The following FREM2 variants were observed in gnomAD, a reference collection of about 807,000 sequenced individuals.
FREM2 encodes the protein FRAS1 related extracellular matrix 2.
FREM2 carries 119 observed loss-of-function variants against 219.9 expected under a neutral mutation model. That is an observed-to-expected ratio of 0.54 (90% CI 0.47 to 0.63). The LOEUF (loss-of-function observed/expected upper bound fraction) is 0.63. FREM2 is among the 30% of genes least tolerant of loss of function. The pLI, the probability that FREM2 is intolerant of heterozygous loss-of-function variation, is 0.00. For missense variants in FREM2, 4,030 were observed against 3,993.6 expected (o/e 1.01, Z -0.25); for synonymous variants, 1,562 against 1,522.8 (o/e 1.03, Z -0.60).
At chr13:38,730,579 TG>T (rs1480344782) in intron 2 of FREM2, among the ~76,000 whole-genome samples, 2 of 152,322 alleles carry the variant, frequency 1.3e-5, no homozygotes, top group Admixed American at 6.5e-5. Flanking sequence ...TGGAAAGACT[TG>T]CAAGAAGAAA....
At chr13:38,738,499 G>T (rs1244012831) in intron 2 of FREM2, among the ~76,000 whole-genome samples, 1 of 147,152 alleles carries the variant, frequency 6.8e-6, no homozygotes, top group Non-Finnish European at 1.5e-5. Flanking sequence ...CTGGCAGGTG[G>T]AGGTTGCAGT....
intron 17 of FREM2, among the ~76,000 whole-genome samples, chr13:38,873,149 A>G (rs1049769030): frequency 6.6e-6 from 1 of 152,150 alleles, no homozygotes; most frequent in Non-Finnish European, 1.5e-5. Flanking sequence ...ATTAAATATG[A>G]CTTTATATAT....
intron 7 of FREM2, 51 bp downstream of exon 7, chr13:38,846,773 C>A (rs780843896): frequency 1.3e-6 from 2 of 1,590,474 alleles, no homozygotes; most frequent in Non-Finnish European, 1.7e-6. Context: ...TTTTCAATGA[C>A]CATGGCACAA....
In FREM2 at chr13:38,691,565, T is replaced by A. The variant is rs1192686260; in HGVS notation, c.4221T>A (p.Asp1407Glu). ...CTGATGGAATAAATCCCCTCATAGA[T>A]CGTTACTTTTATGTGTCCATCGGGA... ...DVTDGINPLIDRYFYVSIGSI... is the reference protein window; with the variant it reads ...DVTDGINPLIERYFYVSIGSI... Residue 1407 changes from aspartate to glutamate, a missense_variant, in exon 1 of 24, where the codon GAT becomes GAA. Asp to Glu is a conservative substitution (Grantham distance 45). Transcript: ENST00000280481. The A allele has an allele frequency of 4.3e-6, 7 of 1,614,172 alleles. No individual in the cohort carries two copies. The Admixed American group carries it at 5.0e-5, about 12-fold the overall frequency.
In FREM2 at chr13:38,688,165, C is replaced by A; in HGVS notation, c.821C>A (p.Ser274Ter). The change falls in exon 1 of 24, where the codon TCA (serine) becomes TAA (stop). Residue 274 changes from serine to a stop codon, truncating the protein, a stop_gained. Transcript: ENST00000280481. LOFTEE classifies it high-confidence loss of function. ...VRYRHTAASR[S>*]PNRDWIPMVV... Reference sequence around the variant, plus strand: ...TATCGCCACACAGCCGCCAGTCGCTCACCAAACAGGGACTGGATACCCATG... The same window carrying A: ...TATCGCCACACAGCCGCCAGTCGCTAACCAAACAGGGACTGGATACCCATG... 6.2e-7 allele frequency: 1 copy of A among 1,613,604 alleles called. No homozygotes were observed. The highest frequency in any genetic ancestry group is 8.5e-7 in the Non-Finnish European group (1 of 1,179,846).
Position 38,687,808 on chromosome 13 carries a change from T to C in FREM2, c.464T>C (p.Leu155Pro). Residue 155 changes from leucine to proline, a missense_variant, in exon 1 of 24, where the codon CTG (leucine) becomes CCG (proline). Physicochemically the swap from Leu to Pro is moderately conservative, Grantham distance 98. Transcript: ENST00000280481. ...TCTCGGGACCGCGTCCGGCTGCAGCTGCGCTATGACGCGCCCGGAGGGGCA... is the reference window on the plus strand; with the variant it reads ...TCTCGGGACCGCGTCCGGCTGCAGCCGCGCTATGACGCGCCCGGAGGGGCA... ...SPSRDRVRLQ[L>P]RYDAPGGAVV... The C allele has an allele frequency of 6.5e-7, 1 of 1,542,932 alleles. No homozygotes were observed. Among genetic ancestry groups the C allele is most frequent in the Non-Finnish European group, 8.8e-7 (1 of 1,140,330 alleles).
At chr13:38,782,805 T>G (rs995901847) in intron 4 of FREM2, among the ~76,000 whole-genome samples, 1 of 152,254 alleles carries the variant, frequency 6.6e-6, no homozygotes, top group African/African-American at 2.4e-5. Flanking sequence ...TCAGCATGAC[T>G]TATTTATTTA....
intron 17 of FREM2, among the ~76,000 whole-genome samples, chr13:38,873,321 A>G (rs1404118777): frequency 6.7e-6 from 1 of 149,944 alleles, no homozygotes; most frequent in Non-Finnish European, 1.5e-5. Flanking sequence ...TTTATTTCTG[A>G]AAAAAAGAGG....
At chr13:38,814,544 G>C (rs1198544582) in intron 6 of FREM2, among the ~76,000 whole-genome samples, 1 of 152,106 alleles carries the variant, frequency 6.6e-6, no homozygotes, top group East Asian at 1.9e-4. Flanking sequence ...CCTGGAACCT[G>C]GGGTGTGGTG....
chr13:38,789,046 G>C (rs1288727681), intron 6 of FREM2, among the ~76,000 whole-genome samples: 1 of 151,964 alleles, frequency 6.6e-6, no homozygotes, highest in Admixed American at 6.6e-5. Flanking sequence ...TTAAATTTAA[G>C]AATATTTCAT....
intron 1 of FREM2, 30 bp from the exon 2 acceptor site, chr13:38,697,668 T>A (rs764828104): frequency 8.0e-7 from 1 of 1,244,346 alleles, no homozygotes; most frequent in Non-Finnish European, 1.2e-6. Context: ...CTCTGGTAAT[T>A]AATCATCTTG....
At chr13:38,852,949 G>T (rs1877426173) in intron 11 of FREM2, among the ~76,000 whole-genome samples, 1 of 151,754 alleles carries the variant, frequency 6.6e-6, no homozygotes, top group Admixed American at 6.6e-5. Context: ...CAAGTGATCT[G>T]CCCACCTTGT....
In FREM2 at chr13:38,689,350, A is replaced by G; in HGVS notation, c.2006A>G (p.Gln669Arg). 1 of 1,614,050 alleles carries G rather than the reference A, an allele frequency of 6.2e-7. No homozygotes were observed. The highest frequency in any genetic ancestry group is 8.5e-7 in the Non-Finnish European group (1 of 1,179,994). The change falls in exon 1 of 24, where the codon CAG becomes CGG. Residue 669 changes from glutamine to arginine, a missense_variant. Gln to Arg is a conservative substitution (Grantham distance 43). Transcript: ENST00000280481. The part of the protein sequence containing the change: ...GPHSPGPVTD[Q>R]FTFRVQDNHD... ...CATAGTCCTGGGCCAGTCACAGACC[A>G]GTTCACATTTAGAGTCCAGGATAAC...
At chr13:38,717,016 A>G (rs959098971) in intron 2 of FREM2, among the ~76,000 whole-genome samples, 5 of 152,220 alleles carry the variant, frequency 3.3e-5, no homozygotes, top group Admixed American at 6.5e-5. Context: ...AAGAAAGAGA[A>G]AGAGATGATT....
chr13:38,850,024 C>A lies in FREM2; in HGVS notation c.6380-14C>A. On this transcript the variant is annotated splice_polypyrimidine_tract_variant and intron_variant, in intron 8 of 23. Coordinates refer to ENST00000280481, the MANE Select transcript of FREM2 (RefSeq NM_207361.6). ...AAGGAAATTTCTGTTCACTTTAATC[C>A]TTTGTTTTTGCAGTGCCTAAGATGC... 6.2e-7 allele frequency: 1 copy of A among 1,609,860 alleles called. No individual in the cohort carries two copies. The highest frequency in any genetic ancestry group is 1.7e-5 in the Admixed American group (1 of 59,998).
intron 6 of FREM2, among the ~76,000 whole-genome samples, chr13:38,800,364 A>G (rs1874962536): frequency 6.6e-6 from 1 of 151,984 alleles, no homozygotes; most frequent in Non-Finnish European, 1.5e-5. Flanking sequence ...TTTTTCTTTC[A>G]GTACTTTGAA....
chr13:38,734,312 G>A (rs183029585), intron 2 of FREM2, among the ~76,000 whole-genome samples: 17 of 152,234 alleles, frequency 1.1e-4, no homozygotes, highest in African/African-American at 4.1e-4. Context: ...TTTGAGCCTG[G>A]CTGGAGGCAT....
At chr13:38,794,272 C>T (rs1874680761) in intron 6 of FREM2, among the ~76,000 whole-genome samples, 1 of 152,090 alleles carries the variant, frequency 6.6e-6, no homozygotes, top group South Asian at 2.1e-4. Flanking sequence ...ATAGAATAGT[C>T]AGTATTAAGG....
chr13:38,733,358 G>T (rs1871847081), intron 2 of FREM2, among the ~76,000 whole-genome samples: 1 of 149,962 alleles, frequency 6.7e-6, no homozygotes, highest in African/African-American at 2.4e-5. Flanking sequence ...TGAAGGCAAA[G>T]AAGTGAGGGA....
Sources: allele counts gnomAD v4.1 joint callset (sites outside exome capture counted in the v4.1 genomes callset), GRCh38; gene constraint gnomAD v4.1.1; transcripts MANE v1.5; gene names NCBI Gene and HGNC (gene_info 2026-07-23, HGNC 2026-07-21).